The following KCNJ6 variants were observed in gnomAD, a reference collection of about 807,000 sequenced individuals.
The protein encoded by KCNJ6 is G protein-activated inward rectifier potassium channel 2.
Under a neutral mutation model 34.2 loss-of-function variants are expected in KCNJ6, and 9 were observed. That is an observed-to-expected ratio of 0.26 (90% CI 0.16 to 0.46). The LOEUF (loss-of-function observed/expected upper bound fraction) is 0.46, where lower values mean the gene tolerates loss of function less well. KCNJ6 is among the 20% of genes least tolerant of loss of function. The pLI is 1.00. For synonymous variants in KCNJ6, 196 were observed against 207.1 expected, an observed-to-expected ratio of 0.95 and a Z score of 0.46; for missense variants, 236 against 531.3, an observed-to-expected ratio of 0.44 and a Z score of 5.46.
At chr21:37,682,476 G>A (rs907365037) in intron 3 of KCNJ6, among the ~76,000 whole-genome samples, 3 of 152,114 alleles carry the variant, frequency 2.0e-5, no homozygotes, top group Non-Finnish European at 2.9e-5. Context: ...CAAGTGTAAC[G>A]TGGTGGCCCC....
At chr21:37,860,883 G>C (rs2055591591) in intron 1 of KCNJ6, among the ~76,000 whole-genome samples, 1 of 148,332 alleles carries the variant, frequency 6.7e-6, no homozygotes, top group East Asian at 2.0e-4. Flanking sequence ...TGTGTATGTG[G>C]GTAGACAGTA....
chr21:37,815,994 C>G (rs1330068932), intron 2 of KCNJ6, among the ~76,000 whole-genome samples: 1 of 152,156 alleles, frequency 6.6e-6, no homozygotes, highest in Non-Finnish European at 1.5e-5. Flanking sequence ...AGGCTCTGCT[C>G]CCTGAACACC....
At chr21:37,862,185 T>C (rs1427915979) in intron 1 of KCNJ6, among the ~76,000 whole-genome samples, 2 of 152,216 alleles carry the variant, frequency 1.3e-5, no homozygotes, top group Non-Finnish European at 2.9e-5. Flanking sequence ...GTATTTTGCT[T>C]ACAATCAGGT....
At chr21:37,828,185 C>G (rs977570432) in intron 2 of KCNJ6, among the ~76,000 whole-genome samples, 5 of 152,320 alleles carry the variant, frequency 3.3e-5, no homozygotes, top group African/African-American at 2.4e-5. Flanking sequence ...CCCCCAACAC[C>G]TTTGAGCCTG....
rs1368010890 is a variant in KCNJ6, at chr21:37,618,762, T to C, written c.*6397A>G. ...TCATCAGTGATAAATCTAATCTCCA[T>C]CACTTAATCATGTTGACCACCCCAG... is the stretch of plus-strand genomic sequence containing the variant. On this transcript the variant is annotated 3_prime_UTR_variant, in exon 4 of 4. Coordinates refer to ENST00000609713, the MANE Select transcript of KCNJ6 (RefSeq NM_002240.5). 6.6e-6 allele frequency: 1 copy of C among 152,228 alleles called. No homozygotes were observed. Among genetic ancestry groups the C allele is most frequent in the African/African-American group, 2.4e-5 (1 of 41,458 alleles). 9.4% of individuals were successfully genotyped at this position (152,228 alleles called of 1,614,324 possible). A position where few individuals can be genotyped will look rare whatever the true frequency, so the allele number is the denominator to read the frequency against.
At chr21:37,641,974 A>G (rs921353825) in intron 3 of KCNJ6, among the ~76,000 whole-genome samples, 1 of 152,206 alleles carries the variant, frequency 6.6e-6, no homozygotes, top group Non-Finnish European at 1.5e-5. Context: ...GCCGAGAAGG[A>G]CACCCAGGTT....
Position 37,609,238 on chromosome 21 carries a change from T to G in KCNJ6, c.*15921A>C, listed in dbSNP as rs2054234310. On this transcript the variant is annotated 3_prime_UTR_variant, in exon 4 of 4. Transcript: ENST00000609713. Reference sequence around the variant, plus strand: ...GACCCTCAGCTTGGGGACCCAATTCTGACACCTGCTGGGCTTTGCTTTCTT... The same window carrying G: ...GACCCTCAGCTTGGGGACCCAATTCGGACACCTGCTGGGCTTTGCTTTCTT... 6.6e-6 allele frequency: 1 copy of G among 152,238 alleles called. No individual in the cohort carries two copies. The highest frequency in any genetic ancestry group is 1.5e-5 in the Non-Finnish European group (1 of 68,054). The allele number at this position is 152,238 out of a possible 1,614,324, so 9.4% of individuals were successfully genotyped here.
chr21:37,901,511 T>C (rs2055816818), intron 1 of KCNJ6, among the ~76,000 whole-genome samples: 1 of 152,224 alleles, frequency 6.6e-6, no homozygotes, highest in Non-Finnish European at 1.5e-5. Context: ...CATAAGAGCA[T>C]TGACCTTGAC....
intron 1 of KCNJ6, among the ~76,000 whole-genome samples, chr21:37,914,932 C>G (rs1422384169): frequency 6.8e-6 from 1 of 146,962 alleles, no homozygotes; most frequent in East Asian, 2.0e-4. Flanking sequence ...TTTTTTTTCT[C>G]TTCCTTTTTT....
rs576829220 is a variant in KCNJ6 at position 37,822,960 on chromosome 21, A to G, written c.25+17698T>C. ...CATCACTTTGAACAACTTGTCATGC[A>G]TGAAAATTCCTTCACAAGAGCTAAG... On this transcript the variant is annotated intron_variant, in intron 2 of 3. Coordinates refer to ENST00000609713, the MANE Select transcript of KCNJ6 (RefSeq NM_002240.5). Among the ~76,000 whole-genome samples, 3 of 152,316 alleles carry G rather than the reference A, an allele frequency of 2.0e-5. No individual in the cohort carries two copies. In the South Asian group the frequency reaches 6.2e-4, roughly 32 times the overall value.
In KCNJ6 at chr21:37,873,291, C is replaced by T. The variant is rs567689156; in HGVS notation, c.-27-32582G>A. Among the ~76,000 whole-genome samples the T allele has an allele frequency of 1.1e-4, 17 of 152,330 alleles. No individual in the cohort carries two copies. The South Asian group carries it at 2.9e-3, about 26-fold the overall frequency. ...ATTCCAGCTTACCACATGCCAAGCA[C>T]GTTACGCGAATCCTTGCAGTAAATC... On this transcript the variant is annotated intron_variant, in intron 1 of 3. Coordinates refer to ENST00000609713, the MANE Select transcript of KCNJ6 (RefSeq NM_002240.5).
intron 3 of KCNJ6, among the ~76,000 whole-genome samples, chr21:37,650,052 C>T (rs567749261): frequency 5.3e-5 from 8 of 152,174 alleles, no homozygotes; most frequent in African/African-American, 1.2e-4. Flanking sequence ...TGTGAACCAC[C>T]GCGCCTGGCC....
rs569969933 is a variant in KCNJ6 at position 37,669,779 on chromosome 21, T to C, written c.947-44295A>G. Among the ~76,000 whole-genome samples the C allele has an allele frequency of 8.9e-4, 136 of 152,372 alleles. 1 individual carries two copies. Among genetic ancestry groups the C allele is most frequent in the African/African-American group, 2.9e-3 (120 of 41,588 alleles). On this transcript the variant is annotated intron_variant, in intron 3 of 3. Transcript: ENST00000609713. ...TGGTTAAGATGGATATTCAAAATATTTGAAAATAATTTGAAAATATTTTCT... is the reference window on the plus strand; with the variant it reads ...TGGTTAAGATGGATATTCAAAATATCTGAAAATAATTTGAAAATATTTTCT...
chr21:37,898,485 G>A (rs748584923), intron 1 of KCNJ6, among the ~76,000 whole-genome samples: 6 of 151,782 alleles, frequency 4.0e-5, no homozygotes, highest in Non-Finnish European at 8.8e-5. Flanking sequence ...GGGAGGCTGA[G>A]GCAGAAGAAT....
chr21:37,654,414 T>TAAAAA (rs60672862), intron 3 of KCNJ6, among the ~76,000 whole-genome samples: 3 of 145,506 alleles, frequency 2.1e-5, no homozygotes, highest in African/African-American at 7.6e-5. Flanking sequence ...TGACATTTGG[T>TAAAAA]AAAAAAAAAA....
At chr21:37,849,956 C>T (rs149582782) in intron 1 of KCNJ6, among the ~76,000 whole-genome samples, 41 of 152,288 alleles carry the variant, frequency 2.7e-4, no homozygotes, top group African/African-American at 9.6e-4. Flanking sequence ...CCAAAGAATG[C>T]ATAGAATGAA....
In KCNJ6 at chr21:37,714,208, T is replaced by C; in HGVS notation, c.946+3A>G. 6.2e-7 allele frequency: 1 copy of C among 1,607,450 alleles called. No individual in the cohort carries two copies. Among genetic ancestry groups the C allele is most frequent in the Non-Finnish European group, 8.5e-7 (1 of 1,174,682 alleles). ...AGCCATCCCAGGATAGAACACATCT[T>C]ACCTGTGGCTTCCACCATTCCTTCT... On this transcript the variant is annotated splice_donor_region_variant and intron_variant, in intron 3 of 3. Transcript: ENST00000609713. This position sits in a 1 kb window ranked among gnomAD's most constrained non-coding sequence, Gnocchi z 5.9.
intron 1 of KCNJ6, among the ~76,000 whole-genome samples, chr21:37,867,872 G>A (rs1568878368): frequency 6.6e-6 from 1 of 152,196 alleles, no homozygotes; most frequent in Non-Finnish European, 1.5e-5. Flanking sequence ...TTGCACTTTG[G>A]GTTTATATGT....
chr21:37,781,648 T>C (rs1241385907), intron 2 of KCNJ6, among the ~76,000 whole-genome samples: 1 of 152,220 alleles, frequency 6.6e-6, no homozygotes, highest in Non-Finnish European at 1.5e-5. Flanking sequence ...TTAATCATTA[T>C]AATGGAGGTA....
Sources: gnomAD v4.1 joint callset for allele counts (sites outside exome capture counted in the v4.1 genomes callset) on GRCh38, gnomAD v4.1.1 for gene constraint, Gnocchi (gnomAD v3.1) non-coding constraint, MANE v1.5 for transcripts, NCBI Gene and HGNC (gene_info 2026-07-23, HGNC 2026-07-21) for gene names.